Variants in SLC38A10 observed in about 807,000 individuals in gnomAD.
SLC38A10 encodes the protein Sodium-coupled neutral amino acid transporter 10.
SLC38A10 carries 53 observed loss-of-function variants against 81.0 expected under a neutral mutation model. The ratio of observed to expected loss-of-function variants is 0.65; its 90% CI spans 0.53 to 0.82. The LOEUF (loss-of-function observed/expected upper bound fraction) is 0.82. Among genes scored for constraint, SLC38A10 ranks in the 40% least tolerant of loss-of-function variants. The pLI, the probability that SLC38A10 is intolerant of heterozygous loss-of-function variation, is 0.00. For synonymous variants in SLC38A10, 665 were observed against 655.3 expected (o/e 1.01, Z -0.23); for missense variants, 1,471 against 1,545.0 (o/e 0.95, Z 0.80).
chr17:81,272,593 A>C lies in SLC38A10; in HGVS notation c.947T>G (p.Met316Arg), dbSNP rs1461004883. ...KDGTFAAGGYMPPLRFKALTL... is the reference protein window; with the variant it reads ...KDGTFAAGGYRPPLRFKALTL... The stretch of plus-strand genomic sequence containing the variant: ...AAGTGCTTTAAACCGGAGAGGGGGC[A>C]TGTAGCCCCCTGCTGCAAAGGTGCC... The change falls in exon 9 of 16, where the codon ATG (methionine) becomes AGG (arginine). Residue 316 changes from methionine (M) to arginine (R), a missense_variant. This residue lies in a region of SLC38A10 where 720 missense variants were observed against 827.7 expected (regional missense o/e 0.87). Coordinates refer to ENST00000374759, the MANE Select transcript of SLC38A10 (RefSeq NM_001037984.3). 1.3e-6 allele frequency: 2 copies of C among 1,571,816 alleles called. No individual in the cohort carries two copies. The highest frequency in any genetic ancestry group is 4.8e-5 in the East Asian group (2 of 41,756).
rs2062847069 is a variant in SLC38A10, at chr17:81,246,047, G to GT, written c.2868dup (p.Arg957ThrfsTer10). On this transcript the variant is annotated frameshift_variant, in exon 16 of 16. Transcript: ENST00000374759. LOFTEE classifies it low-confidence loss of function (END_TRUNC). Reference sequence around the variant, plus strand: ...GAGATGACCCGCAGTTCCGGCTGGCGTAACACAGCCTGGGGCTGTGCAGCT... The same window carrying GT: ...GAGATGACCCGCAGTTCCGGCTGGCGTTAACACAGCCTGGGGCTGTGCAGCT... 1.9e-6 allele frequency: 3 copies of GT among 1,609,878 alleles called. No homozygotes were observed. The highest frequency in any genetic ancestry group is 1.7e-5 in the Admixed American group (1 of 59,938).
intron 11 of SLC38A10, among the ~76,000 whole-genome samples, chr17:81,258,741 C>G (rs1236175922): frequency 6.6e-6 from 1 of 152,180 alleles, no homozygotes; most frequent in Admixed American, 6.5e-5. Flanking sequence ...CAGGACCGAG[C>G]CTGGGGCACC....
At chr17:81,260,836 C>T (rs571830619) in intron 10 of SLC38A10, among the ~76,000 whole-genome samples, 2 of 152,374 alleles carry the variant, frequency 1.3e-5, no homozygotes, top group South Asian at 4.1e-4. Flanking sequence ...ACTGCCCAAC[C>T]TGCCTGGGAG....
intron 1 of SLC38A10, among the ~76,000 whole-genome samples, chr17:81,294,186 AC>A (rs1471178768): frequency 1.3e-5 from 2 of 151,538 alleles, no homozygotes; most frequent in Admixed American, 1.3e-4. Context: ...ATGTGCCACC[AC>A]CCCCGGCTAA....
At chr17:81,274,639 G>A (rs2063145124) in intron 8 of SLC38A10, among the ~76,000 whole-genome samples, 1 of 152,244 alleles carries the variant, frequency 6.6e-6, no homozygotes, top group African/African-American at 2.4e-5. Flanking sequence ...CTCCAGCACT[G>A]CAGAGTGGCG....
chr17:81,294,899 T>A lies in SLC38A10; in HGVS notation c.23A>T (p.Asn8Ile), dbSNP rs758155994. 6 of 1,591,872 alleles carry A rather than the reference T, an allele frequency of 3.8e-6. No individual in the cohort carries two copies. The change falls in exon 1 of 16, where the codon AAC becomes ATC. Residue 8 changes from asparagine (N) to isoleucine (I), a missense_variant. Around this residue, in one of 2 missense-constraint regions of SLC38A10, gnomAD observed 720 missense variants for 827.7 expected, o/e 0.87. Transcript: ENST00000374759. ...CACGATGTTCGTGATCAGCCCCCAG[T>A]TGGAGGCGGCGGCCGCGGTCATAGT... MTAAAAS[N>I]WGLITNIVNS...
At chr17:81,255,551 C>T (rs1349136925) in intron 11 of SLC38A10, among the ~76,000 whole-genome samples, 1 of 152,190 alleles carries the variant, frequency 6.6e-6, no homozygotes, top group Non-Finnish European at 1.5e-5. Context: ...CTCTGGCATC[C>T]GAATTTCTTC....
chr17:81,278,179 C>T (rs992211401), intron 6 of SLC38A10, among the ~76,000 whole-genome samples: 1 of 152,184 alleles, frequency 6.6e-6, no homozygotes, highest in South Asian at 2.1e-4. Context: ...AATCCCAAAC[C>T]GCCTTGAAGA....
In SLC38A10 at chr17:81,283,606, ATTTCT is replaced by A. The variant is rs1274669755; in HGVS notation, c.264-109_264-105del. The A allele has an allele frequency of 2.9e-6, 2 of 699,374 alleles. No individual in the cohort carries two copies. Among genetic ancestry groups the A allele is most frequent in the East Asian group, 3.0e-5 (1 of 32,864 alleles). The allele number at this position is 699,374 out of a possible 1,614,324, so 43.3% of individuals were successfully genotyped here. A position where few individuals can be genotyped will look rare whatever the true frequency, so the allele number is the denominator to read the frequency against. On this transcript the variant is annotated intron_variant, in intron 3 of 15. Transcript: ENST00000374759. The surrounding 1 kb of genome is among the most constrained non-coding windows in gnomAD (Gnocchi z 4.7). ...AAGGCTGGGCTGAATGACAGATGTG[ATTTCT>A]TTTTTCTTTTTTTTTTTTTTGAAAC... is the stretch of plus-strand genomic sequence containing the variant.
At chr17:81,282,884 A>G (rs1478685875) in intron 4 of SLC38A10, among the ~76,000 whole-genome samples, 2 of 152,168 alleles carry the variant, frequency 1.3e-5, no homozygotes, top group Non-Finnish European at 2.9e-5. Context: ...CTACGCTGTT[A>G]GCACCCTAAC....
At chr17:81,251,211 T>G (rs2062907624) in intron 14 of SLC38A10, 1 of 1,544,718 alleles carries the variant, frequency 6.5e-7, no homozygotes, top group South Asian at 1.2e-5. Flanking sequence ...ATGCCGCAGG[T>G]GTTTTAAAGG....
Position 81,277,121 on chromosome 17 carries a change from G to C in SLC38A10, c.639C>G (p.Pro213=). The C allele has an allele frequency of 6.2e-7, 1 of 1,613,926 alleles. No individual in the cohort carries two copies. The highest frequency in any genetic ancestry group is 8.5e-7 in the Non-Finnish European group (1 of 1,179,944). ...MSFACQSQVL[P]TYDSLDEPSV... is the part of the protein sequence containing the mutation. ...ACGGCTCATCCAGGCTGTCGTAGGT[G>C]GGCAGCACCTGGCTGTATAGAAACA... The change falls in exon 7 of 16, where the codon CCC becomes CCG. Residue 213 remains proline (P), a synonymous_variant. Transcript: ENST00000374759. This position sits in a 1 kb window ranked among gnomAD's most constrained non-coding sequence, Gnocchi z 4.5.
At chr17:81,254,317 C>A (rs1413104168) in intron 11 of SLC38A10, among the ~76,000 whole-genome samples, 1 of 152,250 alleles carries the variant, frequency 6.6e-6, no homozygotes, top group Non-Finnish European at 1.5e-5. Flanking sequence ...TCTAGGGAAA[C>A]AGACAGTTAC....
In SLC38A10 at chr17:81,260,357, C is replaced by A. The variant is rs1345084238; in HGVS notation, c.1169G>T (p.Ser390Ile). Reference protein sequence around the residue: ...LWVGLGVLVVSTVTTLSVSEE... With the variant: ...LWVGLGVLVVITVTTLSVSEE... ...GCTCACAGACAGTGTGGTGACAGTG[C>A]TCACCACCAGGACGCCCAGGCCGAC... is the stretch of plus-strand genomic sequence containing the variant. The change falls in exon 11 of 16, where the codon AGC becomes ATC. Residue 390 changes from serine (S) to isoleucine (I), a missense_variant. By Grantham distance (142) the Ser-to-Ile change is moderately radical (BLOSUM62 -2). This residue lies in a region of SLC38A10 where 720 missense variants were observed against 827.7 expected (regional missense o/e 0.87). Transcript: ENST00000374759. The A allele has an allele frequency of 6.2e-7, 1 of 1,611,262 alleles. No individual in the cohort carries two copies.
chr17:81,249,926 CT>C, intron 14 of SLC38A10: 1 of 613,516 alleles, frequency 1.6e-6, no homozygotes, highest in Middle Eastern at 4.2e-4. Context: ...GTGGCTGAGC[CT>C]GGGTGCGTGC....
chr17:81,251,384 G>GCTGCCTC (rs1567924204), intron 14 of SLC38A10, 109 bp downstream of exon 14: 1 of 1,612,552 alleles, frequency 6.2e-7, no homozygotes, highest in South Asian at 1.1e-5. Context: ...GAAAGAGAAG[G>GCTGCCTC]GGGGCCTGGC....
chr17:81,268,430 G>A (rs1363357760), intron 10 of SLC38A10, among the ~76,000 whole-genome samples: 4 of 151,186 alleles, frequency 2.6e-5, no homozygotes, highest in Non-Finnish European at 4.4e-5. Context: ...TTGAGACGGA[G>A]TCTTTTGCTC....
intron 1 of SLC38A10, among the ~76,000 whole-genome samples, chr17:81,291,092 G>A (rs917195080): frequency 1.5e-4 from 23 of 152,178 alleles, no homozygotes; most frequent in African/African-American, 4.6e-4. Context: ...CCACACTAGT[G>A]CGAGACGTCA....
Position 81,289,554 on chromosome 17 carries a change from C to T in SLC38A10, c.217+137G>A. ...CCACACCCGGCTCATTTTTTTGCAG[C>T]ATTACATTTTAAAATAAAAAAAACC... On this transcript the variant is annotated intron_variant, in intron 2 of 15. Coordinates refer to ENST00000374759, the MANE Select transcript of SLC38A10 (RefSeq NM_001037984.3). The surrounding 1 kb of genome is among the most constrained non-coding windows in gnomAD (Gnocchi z 5.9). 1.6e-6 allele frequency: 1 copy of T among 632,744 alleles called. No homozygotes were observed. The highest frequency in any genetic ancestry group is 2.6e-5 in the South Asian group (1 of 38,082). The allele number at this position is 632,744 out of a possible 1,614,324, so 39.2% of individuals were successfully genotyped here.
Sources: allele counts gnomAD v4.1 joint callset (sites outside exome capture counted in the v4.1 genomes callset), GRCh38; gene constraint gnomAD v4.1.1; regional missense constraint gnomAD v4.1.1; non-coding constraint Gnocchi (gnomAD v3.1); transcripts MANE v1.5; gene names NCBI Gene and HGNC (gene_info 2026-07-23, HGNC 2026-07-21).